The following SDK1 variants were observed in gnomAD, a reference collection of about 807,000 sequenced individuals.
SDK1 encodes the protein protein sidekick-1.
SDK1 carries 157 observed loss-of-function variants against 245.5 expected under a neutral mutation model. The observed-to-expected ratio is 0.64, with a 90% CI of 0.56 to 0.73. The LOEUF is 0.73. SDK1 is among the 30% of genes least tolerant of loss of function. The pLI is 0.00. For synonymous variants in SDK1, 1,647 were observed against 1,278.5 expected (o/e 1.29, Z -6.15); for missense variants, 3,583 against 3,002.3 (o/e 1.19, Z -4.52).
rs73298924 is a variant in SDK1 at position 4,008,825 on chromosome 7, T to C, written c.2132-2141T>C. Among the ~76,000 whole-genome samples the C allele has an allele frequency of 8.7e-3, 1,319 of 152,316 alleles. 19 individuals are homozygous for C. Among genetic ancestry groups the C allele is most frequent in the African/African-American group, 0.03 (1,250 of 41,578 alleles). ...TCATATCCCTCAGGTTGCTTCTACC[T>C]TTTGGCTACTGTGAATAAAGCTGCT... On this transcript the variant is annotated intron_variant, in intron 14 of 44. Transcript: ENST00000404826.
At chr7:4,202,522 G>A (rs1323353354) in intron 35 of SDK1, among the ~76,000 whole-genome samples, 1 of 152,198 alleles carries the variant, frequency 6.6e-6, no homozygotes, top group Non-Finnish European at 1.5e-5. Flanking sequence ...GGCCAGAGGG[G>A]AAAATGTGCA....
chr7:3,521,315 T>G (rs1234410145), intron 1 of SDK1, among the ~76,000 whole-genome samples: 1 of 152,222 alleles, frequency 6.6e-6, no homozygotes, highest in African/African-American at 2.4e-5. Flanking sequence ...AGCTCCCTAC[T>G]ACATTTGAAA....
chr7:3,303,102 T>C (rs1252160424), intron 1 of SDK1, among the ~76,000 whole-genome samples: 2 of 152,348 alleles, frequency 1.3e-5, no homozygotes, highest in East Asian at 3.9e-4. Context: ...TCTTATGTTT[T>C]ACTACATGAA....
intron 14 of SDK1, among the ~76,000 whole-genome samples, chr7:4,000,508 G>A (rs1035015139): frequency 5.9e-5 from 9 of 152,220 alleles, no homozygotes; most frequent in South Asian, 2.1e-4. Flanking sequence ...TGAGCTGCAC[G>A]GCTGGGTTGG....
At chr7:3,753,318 G>A (rs534149809) in intron 4 of SDK1, among the ~76,000 whole-genome samples, 4 of 152,168 alleles carry the variant, frequency 2.6e-5, no homozygotes, top group African/African-American at 4.8e-5. Context: ...ACTGTAAAAC[G>A]TCACTATCAA....
intron 1 of SDK1, among the ~76,000 whole-genome samples, chr7:3,528,222 G>A (rs192728204): frequency 2.1e-5 from 3 of 141,026 alleles, no homozygotes; most frequent in African/African-American, 5.3e-5. Context: ...GGGGGTGGGT[G>A]GTGGGAGGTA....
intron 20 of SDK1, among the ~76,000 whole-genome samples, chr7:4,073,145 G>A (rs928104226): frequency 6.6e-6 from 1 of 152,160 alleles, no homozygotes; most frequent in East Asian, 1.9e-4. Flanking sequence ...AGGTACCCCC[G>A]CTCCTGGCTC....
chr7:3,639,103 A>C lies in SDK1; in HGVS notation c.558A>C (p.Gln186His). The C allele has an allele frequency of 1.9e-6, 3 of 1,592,608 alleles. No homozygotes were observed. The South Asian group carries it at 3.4e-5, about 18-fold the overall frequency. The change falls in exon 3 of 45, where the codon CAA (glutamine) becomes CAC (histidine). Residue 186 changes from glutamine (Q) to histidine (H), a missense_variant. Physicochemically the swap from Gln to His is conservative, Grantham distance 24 (BLOSUM62 0). Transcript: ENST00000404826. ...GALLQRKSEV[Q>H]VAYMGSFMDT... ...TCCTGCAAAGAAAATCAGAAGTTCA[A>C]GTCGCATGTATGTGTACAGTAAGGA...
chr7:3,941,175 C>T (rs1049837809), intron 5 of SDK1, among the ~76,000 whole-genome samples: 2 of 152,120 alleles, frequency 1.3e-5, no homozygotes, highest in Admixed American at 6.6e-5. Flanking sequence ...GTCCCTCTCT[C>T]CTCTCCCTTT....
intron 5 of SDK1, among the ~76,000 whole-genome samples, chr7:3,920,722 A>G (rs1014327280): frequency 1.3e-5 from 2 of 152,022 alleles, no homozygotes; most frequent in Non-Finnish European, 2.9e-5. Context: ...GGCCTCAGAT[A>G]AGATGACCCA....
At chr7:3,676,569 C>T (rs977248978) in intron 4 of SDK1, among the ~76,000 whole-genome samples, 4 of 152,256 alleles carry the variant, frequency 2.6e-5, no homozygotes, top group Admixed American at 2.0e-4. Context: ...TTGTGATCTG[C>T]CCACCTTGGC....
chr7:3,656,795 C>T (rs888222780), intron 4 of SDK1, among the ~76,000 whole-genome samples: 3 of 149,362 alleles, frequency 2.0e-5, no homozygotes, highest in Non-Finnish European at 3.0e-5. Flanking sequence ...GGCCGGACTG[C>T]GGACTGCAGT....
At chr7:4,217,634 C>A (rs1429562539) in intron 38 of SDK1, among the ~76,000 whole-genome samples, 1 of 151,958 alleles carries the variant, frequency 6.6e-6, no homozygotes, top group Non-Finnish European at 1.5e-5. Context: ...GAGCACCAGG[C>A]CACCTGGAGC....
At chr7:3,975,073 C>T (rs968633533) in intron 13 of SDK1, among the ~76,000 whole-genome samples, 5 of 152,296 alleles carry the variant, frequency 3.3e-5, no homozygotes, top group African/African-American at 9.6e-5. Flanking sequence ...TACTTCCAAT[C>T]TGGACCTTCC....
chr7:3,784,988 G>A (rs187301981), intron 4 of SDK1, among the ~76,000 whole-genome samples: 15 of 152,332 alleles, frequency 9.8e-5, no homozygotes, highest in Admixed American at 6.5e-4. Flanking sequence ...TAAAGAAAAC[G>A]TGGTACTTAC....
chr7:4,178,543 G>T lies in SDK1; in HGVS notation c.5055G>T (p.Glu1685Asp). Residue 1685 changes from glutamate to aspartate, a missense_variant, in exon 35 of 45, where the codon GAG becomes GAT. Transcript: ENST00000404826. The stretch of plus-strand genomic sequence containing the variant: ...TGACCGCCTATAACATCATCGGCGA[G>T]AGCCCAGCCAGCGCGCCCGTGGAGG... ...VIMTAYNIIG[E>D]SPASAPVEVF... 6.2e-7 allele frequency: 1 copy of T among 1,613,748 alleles called. No homozygotes were observed.
chr7:3,523,323 A>G (rs547877977), intron 1 of SDK1, among the ~76,000 whole-genome samples: 1 of 152,274 alleles, frequency 6.6e-6, no homozygotes, highest in South Asian at 2.1e-4. Context: ...CATCCTAGAG[A>G]TACAGTCTGT....
In SDK1 at chr7:4,051,727, G is replaced by A. The variant is rs371822024; in HGVS notation, c.2808G>A (p.Thr936=). 6.8e-6 allele frequency: 11 copies of A among 1,613,756 alleles called. No individual in the cohort carries two copies. The highest frequency in any genetic ancestry group is 5.3e-5 in the African/African-American group (4 of 74,864). ...ACGGAGTCCACCATGGACACATAACGAACCTGAAGAAGTTTACCGCCTACT... is the reference window on the plus strand; with the variant it reads ...ACGGAGTCCACCATGGACACATAACAAACCTGAAGAAGTTTACCGCCTACT... ...DFHGVHHGHI[T]NLKKFTAYFT... The change falls in exon 19 of 45, where the codon ACG becomes ACA. Residue 936 remains threonine, a synonymous_variant. Transcript: ENST00000404826.
chr7:4,167,476 C>T (rs1469328555), intron 32 of SDK1, among the ~76,000 whole-genome samples: 7 of 152,166 alleles, frequency 4.6e-5, no homozygotes, highest in South Asian at 2.1e-4. Flanking sequence ...AGGCTGCTGG[C>T]GAATTTCTGA....
Sources: gnomAD v4.1 joint callset for allele counts (sites outside exome capture counted in the v4.1 genomes callset) on GRCh38, gnomAD v4.1.1 for gene constraint, MANE v1.5 for transcripts, NCBI Gene and HGNC (gene_info 2026-07-23, HGNC 2026-07-21) for gene names.